ZFYVE16: variants seen among roughly 807,000 people sequenced by gnomAD.
ZFYVE16 encodes zinc finger FYVE-type containing 16.
A neutral mutation model predicts 138.1 loss-of-function variants in ZFYVE16; 89 were observed. The ratio of observed to expected loss-of-function variants is 0.64; its 90% CI spans 0.54 to 0.77. The LOEUF (loss-of-function observed/expected upper bound fraction) is 0.77, where lower values mean the gene tolerates loss of function less well. Among genes scored for constraint, ZFYVE16 ranks in the 30% least tolerant of loss-of-function variants. ZFYVE16 has a pLI of 0.00. For synonymous variants in ZFYVE16, 596 were observed against 618.3 expected, an observed-to-expected ratio of 0.96 and a Z score of 0.53; for missense variants, 1,793 against 1,786.7, an observed-to-expected ratio of 1.00 and a Z score of -0.06.
chr5:80,437,434 G>C lies in ZFYVE16; in HGVS notation c.749G>C (p.Arg250Pro). The change falls in exon 4 of 19, where the codon CGA (arginine) becomes CCA (proline). Residue 250 changes from arginine to proline, a missense_variant. This residue lies in a region of ZFYVE16 where 1,295 missense variants were observed against 1,204.3 expected (regional missense o/e 1.08). Transcript: ENST00000505560. ...VDFNMSSALTRQSSKMFHAKD... is the reference protein window; with the variant it reads ...VDFNMSSALTPQSSKMFHAKD... The stretch of plus-strand genomic sequence containing the variant: ...TTTAACATGTCATCTGCTTTGACTC[G>C]ACAAAGTTCCAAAATGTTTCATGCC... The C allele has an allele frequency of 6.2e-7, 1 of 1,602,340 alleles. No individual in the cohort carries two copies. Among genetic ancestry groups the C allele is most frequent in the Non-Finnish European group, 8.5e-7 (1 of 1,175,222 alleles).
chr5:80,423,986 C>A (rs192744318), intron 1 of ZFYVE16, among the ~76,000 whole-genome samples: 147 of 149,454 alleles, frequency 9.8e-4, no homozygotes, highest in African/African-American at 3.3e-3. Flanking sequence ...ACTCTTGTTG[C>A]TCAGGCTGGA....
At chr5:80,465,372 C>A (rs1248682516) in intron 15 of ZFYVE16, among the ~76,000 whole-genome samples, 1 of 81,924 alleles carries the variant, frequency 1.2e-5, no homozygotes, top group African/African-American at 3.4e-5. Context: ...TTCTGGCCTC[C>A]ATGGTTTCTT....
At chr5:80,452,807 G>A (rs1445979110) in intron 11 of ZFYVE16, among the ~76,000 whole-genome samples, 2 of 152,084 alleles carry the variant, frequency 1.3e-5, no homozygotes, top group East Asian at 3.8e-4. Flanking sequence ...GATAGAGCCT[G>A]TATCATTCAT....
chr5:80,421,449 G>A (rs187438537), intron 1 of ZFYVE16, among the ~76,000 whole-genome samples: 29 of 152,146 alleles, frequency 1.9e-4, no homozygotes, highest in Admixed American at 6.5e-4. Context: ...TAAGTCTTTA[G>A]TCCATCTTAA....
intron 11 of ZFYVE16, chr5:80,454,627 C>T (rs1390019652): frequency 6.6e-6 from 1 of 152,272 alleles, no homozygotes; most frequent in Non-Finnish European, 1.5e-5. Context: ...CTGCCTCAGC[C>T]TCCCAAGTAG....
At position 80,459,390 on chromosome 5, in the gene ZFYVE16, ATAAT is replaced by A. The variant is rs770027585; in HGVS notation, c.3944-22_3944-19del. The A allele has an allele frequency of 1.9e-6, 3 of 1,603,718 alleles. No homozygotes were observed. The highest frequency in any genetic ancestry group is 2.6e-6 in the Non-Finnish European group (3 of 1,173,824). Reference sequence around the variant, plus strand: ...CATAAAAATGAGCAGTTTAAAACAAATAATTGTTGTATTTCTTGATCAGTGACAG... The same window carrying A: ...CATAAAAATGAGCAGTTTAAAACAAATGTTGTATTTCTTGATCAGTGACAG... On this transcript the variant is annotated intron_variant, in intron 14 of 18. Coordinates refer to ENST00000505560, the MANE Select transcript of ZFYVE16 (RefSeq NM_001284236.3).
At chr5:80,431,990 G>A (rs576933875) in intron 2 of ZFYVE16, among the ~76,000 whole-genome samples, 4 of 152,268 alleles carry the variant, frequency 2.6e-5, no homozygotes, top group African/African-American at 4.8e-5. Context: ...AATCAATATC[G>A]TGAAAATGGC....
intron 11 of ZFYVE16, chr5:80,455,293 G>A (rs1752406730): frequency 4.9e-6 from 1 of 205,012 alleles, no homozygotes; most frequent in Non-Finnish European, 9.9e-6. Flanking sequence ...CAGCACTTTG[G>A]GAGGCCGAGG....
At chr5:80,428,178 C>A (rs1381190856) in intron 2 of ZFYVE16, among the ~76,000 whole-genome samples, 1 of 151,984 alleles carries the variant, frequency 6.6e-6, no homozygotes. Flanking sequence ...TCCCTGACCC[C>A]CGAGTAGCCT....
At chr5:80,426,228 GTA>G (rs1382749319) in intron 1 of ZFYVE16, among the ~76,000 whole-genome samples, 41 of 125,808 alleles carry the variant, frequency 3.3e-4, no homozygotes, top group African/African-American at 8.6e-4. Context: ...GTGTGTGTGT[GTA>G]TGTGTGTGTG....
chr5:80,465,261 G>A (rs1753560457), intron 15 of ZFYVE16, among the ~76,000 whole-genome samples: 1 of 151,804 alleles, frequency 6.6e-6, no homozygotes, highest in African/African-American at 2.4e-5. Context: ...CTGGGAATGT[G>A]CTAATTTCTC....
upstream of ZFYVE16, among the ~76,000 whole-genome samples, chr5:80,407,768 A>C (rs1287339228): frequency 2.0e-5 from 3 of 152,202 alleles, no homozygotes; most frequent in Admixed American, 6.5e-5. Flanking sequence ...AAAGGAAGTC[A>C]GACACTGACG....
At chr5:80,459,051 C>T (rs1267076170) in intron 14 of ZFYVE16, among the ~76,000 whole-genome samples, 1 of 152,304 alleles carries the variant, frequency 6.6e-6, no homozygotes, top group East Asian at 1.9e-4. Flanking sequence ...CCTCAGCCTC[C>T]TGAGTGGCCA....
intron 1 of ZFYVE16, among the ~76,000 whole-genome samples, chr5:80,421,438 T>G (rs1160753549): frequency 6.6e-6 from 1 of 152,222 alleles, no homozygotes; most frequent in Non-Finnish European, 1.5e-5. Context: ...GGTCTAACAT[T>G]TAAGTCTTTA....
intron 2 of ZFYVE16, among the ~76,000 whole-genome samples, chr5:80,433,787 C>G (rs115928969): frequency 6.6e-6 from 1 of 151,442 alleles, no homozygotes; most frequent in South Asian, 2.1e-4. Flanking sequence ...TATTTTTATG[C>G]GTTTGTAGTT....
At chr5:80,412,832 A>G (rs1439972245) in intron 1 of ZFYVE16, among the ~76,000 whole-genome samples, 1 of 152,216 alleles carries the variant, frequency 6.6e-6, no homozygotes, top group Non-Finnish European at 1.5e-5. Flanking sequence ...GTTTATATTT[A>G]TCGAAGGGAT....
At chr5:80,467,977 C>G (rs2112529299) in intron 15 of ZFYVE16, among the ~76,000 whole-genome samples, 1 of 152,180 alleles carries the variant, frequency 6.6e-6, no homozygotes, top group South Asian at 2.1e-4. Context: ...TTCTGGAGTT[C>G]AAAATTACAA....
rs145987464 is a variant in ZFYVE16 at position 80,443,188 on chromosome 5, T to C, written c.2485T>C (p.Cys829Arg). The change falls in exon 6 of 19, where the codon TGT becomes CGT. Residue 829 changes from cysteine to arginine, a missense_variant. Transcript: ENST00000505560. The stretch of plus-strand genomic sequence containing the variant: ...TCTTAAGTCTAATCATTCTGATGAA[T>C]GTACTACTGTCCAGCCTCCTCAGGA... ...SNLKSNHSDE[C>R]TTVQPPQENQ... 6.2e-7 allele frequency: 1 copy of C among 1,607,186 alleles called. No individual in the cohort carries two copies. Among genetic ancestry groups the C allele is most frequent in the Non-Finnish European group, 8.5e-7 (1 of 1,178,396 alleles).
intron 1 of ZFYVE16, among the ~76,000 whole-genome samples, chr5:80,426,293 T>TATATATATATATATAAATAAATAA (rs1402433567): frequency 2.3e-5 from 2 of 88,684 alleles, no homozygotes; most frequent in African/African-American, 6.6e-5. Flanking sequence ...TATATATATA[T>TATATATATATATATAAATAAATAA]AATTAAATTT....
Sources: gnomAD v4.1 joint callset for allele counts (sites outside exome capture counted in the v4.1 genomes callset) on GRCh38, gnomAD v4.1.1 for gene constraint, gnomAD v4.1.1 regional missense constraint, MANE v1.5 for transcripts, NCBI Gene and HGNC (gene_info 2026-07-23, HGNC 2026-07-21) for gene names.